Variants in PTPRM observed in about 807,000 individuals in gnomAD.
PTPRM encodes receptor-type tyrosine-protein phosphatase mu.
Under a neutral mutation model 186.7 loss-of-function variants are expected in PTPRM, and 47 were observed. That is an observed-to-expected ratio of 0.25 (90% confidence interval 0.20 to 0.32). The LOEUF (loss-of-function observed/expected upper bound fraction) is 0.32, where lower values mean the gene tolerates loss of function less well. Among genes scored for constraint, PTPRM ranks in the 10% least tolerant of loss-of-function variants. The pLI is 1.00. For missense variants in PTPRM, 1,494 were observed against 1,865.0 expected (o/e 0.80, Z 3.66); for synonymous variants, 668 against 674.9 (o/e 0.99, Z 0.16).
chr18:7,628,306 A>G (rs569667572), intron 1 of PTPRM, among the ~76,000 whole-genome samples: 2 of 152,364 alleles, frequency 1.3e-5, no homozygotes, highest in African/African-American at 4.8e-5. Flanking sequence ...TAATCCAGAA[A>G]CAAAAAAAGA....
Position 8,143,745 on chromosome 18 carries a change from A to G in PTPRM, c.2266A>G (p.Ile756Val). The change falls in exon 14 of 33, where the codon ATA becomes GTA. Residue 756 changes from isoleucine (I) to valine (V), a missense_variant. Physicochemically the swap from Ile to Val is conservative, Grantham distance 29. Around this residue, in one of 3 missense-constraint regions of PTPRM, gnomAD observed 1,107 missense variants for 1,350.2 expected, o/e 0.82. Transcript: ENST00000580170. ...VIAGILLFVI[I>V]FLGVVLVMKK... is the part of the protein sequence containing the mutation. Reference sequence around the variant, plus strand: ...CGCGGGCATCTTGCTGTTCGTGATTATATTTCTTGGAGTTGTGTTGGTAAT... The same window carrying G: ...CGCGGGCATCTTGCTGTTCGTGATTGTATTTCTTGGAGTTGTGTTGGTAAT... 3 of 1,614,102 alleles carry G rather than the reference A, an allele frequency of 1.9e-6. No homozygotes were observed. The highest frequency in any genetic ancestry group is 2.5e-6 in the Non-Finnish European group (3 of 1,179,966).
chr18:8,364,210 C>A (rs375055436), intron 23 of PTPRM, among the ~76,000 whole-genome samples: 10 of 152,152 alleles, frequency 6.6e-5, no homozygotes, highest in African/African-American at 1.7e-4. Context: ...ACTTAATCAG[C>A]AACTTTATAT....
At chr18:8,105,059 A>G (rs1203764738) in intron 11 of PTPRM, among the ~76,000 whole-genome samples, 1 of 152,206 alleles carries the variant, frequency 6.6e-6, no homozygotes. Flanking sequence ...AAAAGGCTCT[A>G]TCTGTGGCTA....
At chr18:7,611,118 A>G (rs887907218) in intron 1 of PTPRM, among the ~76,000 whole-genome samples, 1 of 152,202 alleles carries the variant, frequency 6.6e-6, no homozygotes, top group African/African-American at 2.4e-5. Flanking sequence ...GGATATAAAG[A>G]AAGAAAATAT....
intron 7 of PTPRM, among the ~76,000 whole-genome samples, chr18:7,975,416 A>G (rs1039414094): frequency 9.2e-5 from 14 of 152,234 alleles, no homozygotes; most frequent in Non-Finnish European, 2.1e-4. Flanking sequence ...AGACAATTGA[A>G]TATTTTTCAG....
At chr18:8,294,672 C>A (rs1335578964) in intron 19 of PTPRM, among the ~76,000 whole-genome samples, 5 of 152,196 alleles carry the variant, frequency 3.3e-5, no homozygotes, top group Admixed American at 6.5e-5. Flanking sequence ...TATAGCACAT[C>A]TGATCCTACC....
At chr18:8,196,368 T>G (rs2093777990) in intron 14 of PTPRM, among the ~76,000 whole-genome samples, 1 of 152,192 alleles carries the variant, frequency 6.6e-6, no homozygotes, top group Non-Finnish European at 1.5e-5. Flanking sequence ...CTTAGTGCTA[T>G]TACTGTTAGA....
intron 1 of PTPRM, among the ~76,000 whole-genome samples, chr18:7,667,571 G>T (rs1271641916): frequency 6.6e-6 from 1 of 152,232 alleles, no homozygotes; most frequent in Non-Finnish European, 1.5e-5. Flanking sequence ...TTAAGGATCA[G>T]TGTGCGTAAT....
At chr18:8,155,767 C>T (rs2093108463) in intron 14 of PTPRM, among the ~76,000 whole-genome samples, 1 of 152,158 alleles carries the variant, frequency 6.6e-6, no homozygotes, top group Non-Finnish European at 1.5e-5. Flanking sequence ...CTATAGTTCC[C>T]CCGGCCTATC....
chr18:7,984,594 T>TACAC (rs1182740403), intron 7 of PTPRM, among the ~76,000 whole-genome samples: 18 of 120,164 alleles, frequency 1.5e-4, no homozygotes, highest in Middle Eastern at 3.8e-3. Flanking sequence ...TATATATATA[T>TACAC]ATATATATAC....
chr18:8,331,315 G>T (rs192786412), intron 22 of PTPRM, among the ~76,000 whole-genome samples: 219 of 152,234 alleles, frequency 1.4e-3, no homozygotes, highest in African/African-American at 5.0e-3. Context: ...CCCCATTATT[G>T]GTTTTACCCA....
intron 7 of PTPRM, among the ~76,000 whole-genome samples, chr18:8,048,611 AAC>A: frequency 6.6e-6 from 1 of 152,284 alleles, no homozygotes; most frequent in East Asian, 1.9e-4. Context: ...TGGTAGTGAA[AAC>A]ACAGAAGAAT....
chr18:7,787,092 T>G (rs2043128333), intron 2 of PTPRM, among the ~76,000 whole-genome samples: 1 of 152,228 alleles, frequency 6.6e-6, no homozygotes, highest in Admixed American at 6.5e-5. Context: ...GAGGGCCCAC[T>G]TGATACAATA....
intron 14 of PTPRM, among the ~76,000 whole-genome samples, chr18:8,190,861 A>T (rs2093700833): frequency 1.3e-5 from 2 of 152,264 alleles, no homozygotes; most frequent in Admixed American, 1.3e-4. Flanking sequence ...TGATATTATT[A>T]CTAGAATGAC....
At chr18:7,576,035 A>G (rs2036679422) in intron 1 of PTPRM, among the ~76,000 whole-genome samples, 1 of 152,194 alleles carries the variant, frequency 6.6e-6, no homozygotes, top group South Asian at 2.1e-4. Flanking sequence ...CTAAAAGAGC[A>G]AGGATTGCAG....
chr18:7,574,990 C>A (rs1033292015), intron 1 of PTPRM, among the ~76,000 whole-genome samples: 77 of 152,172 alleles, frequency 5.1e-4, no homozygotes, highest in Admixed American at 4.8e-3. Context: ...CGAGATCGCG[C>A]CACTGCACTC....
At chr18:8,319,009 G>A (rs575407884) in intron 21 of PTPRM, among the ~76,000 whole-genome samples, 169 bp from the exon 22 acceptor site, 8 of 152,270 alleles carry the variant, frequency 5.3e-5, no homozygotes, top group Middle Eastern at 3.4e-3. Context: ...TATTTGATGC[G>A]CCTTCACTAA....
intron 32 of PTPRM, among the ~76,000 whole-genome samples, chr18:8,398,033 C>T (rs747955873): frequency 6.6e-6 from 1 of 152,176 alleles, no homozygotes. Context: ...AGTGCAGTGG[C>T]GTGATCATAG....
At chr18:7,912,672 C>T (rs111490568) in intron 4 of PTPRM, among the ~76,000 whole-genome samples, 40,644 of 150,838 alleles carry the variant, frequency 0.27, 5,820 homozygotes, top group East Asian at 0.43. Flanking sequence ...CCACCACGCC[C>T]GGCTAATTTT....
Sources: gnomAD v4.1 joint callset for allele counts (sites outside exome capture counted in the v4.1 genomes callset) on GRCh38, gnomAD v4.1.1 for gene constraint, gnomAD v4.1.1 regional missense constraint, MANE v1.5 for transcripts, NCBI Gene and HGNC (gene_info 2026-07-23, HGNC 2026-07-21) for gene names.